PRPF8: variants seen among roughly 807,000 people sequenced by gnomAD.
PRPF8 encodes the protein pre-mRNA-processing-splicing factor 8.
A neutral mutation model predicts 285.9 loss-of-function variants in PRPF8; 64 were observed. The ratio of observed to expected loss-of-function variants is 0.22; its 90% CI spans 0.18 to 0.28. The LOEUF (loss-of-function observed/expected upper bound fraction) is 0.28, where lower values mean the gene tolerates loss of function less well. Among genes scored for constraint, PRPF8 ranks in the 10% least tolerant of loss-of-function variants. The probability of loss-of-function intolerance (pLI) is 1.00; values close to 1 mark genes in which losing one functional copy is unlikely to be tolerated. For synonymous variants in PRPF8, 1,325 were observed against 1,118.2 expected (o/e 1.18, Z -3.69); for missense variants, 1,426 against 3,026.7 (o/e 0.47, Z 12.41).
intron 24 of PRPF8, among the ~76,000 whole-genome samples, chr17:1,665,348 G>A (rs1217224352): frequency 1.3e-5 from 2 of 151,314 alleles, no homozygotes; most frequent in Non-Finnish European, 2.9e-5. Context: ...GACCATCCCA[G>A]CTAACACGGT....
Position 1,659,707 on chromosome 17 carries a change from G to C in PRPF8, c.4946+134C>G. 7.3e-7 allele frequency: 1 copy of C among 1,371,058 alleles called. No homozygotes were observed. Among genetic ancestry groups the C allele is most frequent in the Non-Finnish European group, 1.0e-6 (1 of 987,228 alleles). The allele number at this position is 1,371,058 out of a possible 1,614,324, so 84.9% of individuals were successfully genotyped here. On this transcript the variant is annotated intron_variant, in intron 31 of 42. Coordinates refer to ENST00000304992, the MANE Select transcript of PRPF8 (RefSeq NM_006445.4). The surrounding 1 kb of genome is among the most constrained non-coding windows in gnomAD (Gnocchi z 5.1). ...ATCAGCAGATCTGACTAAGGGTGTT[G>C]ACAGGCTCCAAGCGTAGCACTGGCT...
chr17:1,660,309 C>T, intron 30 of PRPF8, 123 bp downstream of exon 30: 1 of 1,532,698 alleles, frequency 6.5e-7, no homozygotes, highest in Non-Finnish European at 8.9e-7. Flanking sequence ...TCCACCTGAG[C>T]TGACTCTGTA....
chr17:1,656,764 TAAAAGC>T lies in PRPF8; in HGVS notation c.5506-9_5506-4del. 6.2e-7 allele frequency: 1 copy of T among 1,613,434 alleles called. No individual in the cohort carries two copies. The highest frequency in any genetic ancestry group is 8.5e-7 in the Non-Finnish European group (1 of 1,179,602). On this transcript the variant is annotated splice_polypyrimidine_tract_variant and splice_region_variant and intron_variant, in intron 34 of 42. Coordinates refer to ENST00000304992, the MANE Select transcript of PRPF8 (RefSeq NM_006445.4). ...TCAGCTGTCTTCCACTTAGCCAACT[TAAAAGC>T]AAGAGAGAAGAAAATGGAAATTTAG...
At chr17:1,674,825 G>T (rs991506303) in intron 20 of PRPF8, 145 bp from the exon 21 acceptor site, 33 of 879,644 alleles carry the variant, frequency 3.8e-5, no homozygotes, top group Admixed American at 1.4e-4. Context: ...GGCTGAGAGT[G>T]CACTGGCGCA....
In PRPF8 at chr17:1,675,174, T is replaced by C; in HGVS notation, c.3038A>G (p.Asn1013Ser). 6.2e-7 allele frequency: 1 copy of C among 1,614,008 alleles called. No individual in the cohort carries two copies. The highest frequency in any genetic ancestry group is 8.5e-7 in the Non-Finnish European group (1 of 1,180,050). ...HNIADYMTAKNNVVINYKDMN... is the reference protein window; with the variant it reads ...HNIADYMTAKSNVVINYKDMN... The stretch of plus-strand genomic sequence containing the variant: ...CACCTTATAGTTGATGACGACGTTG[T>C]TCTTGGCTGTCATGTAGTCGGCTAT... The change falls in exon 20 of 43, where the codon AAC becomes AGC. Residue 1013 changes from asparagine to serine, a missense_variant. By Grantham distance (46) the Asn-to-Ser change is conservative (BLOSUM62 1). Around this residue, in one of 34 missense-constraint regions of PRPF8, gnomAD observed 32 missense variants for 89.2 expected, o/e 0.36. Coordinates refer to ENST00000304992, the MANE Select transcript of PRPF8 (RefSeq NM_006445.4). This position sits in a 1 kb window ranked among gnomAD's most constrained non-coding sequence, Gnocchi z 6.0.
At chr17:1,684,681 C>A (rs1726823413) in intron 1 of PRPF8, 99 bp from the exon 2 acceptor site, 1 of 1,098,798 alleles carries the variant, frequency 9.1e-7, no homozygotes, top group African/African-American at 1.6e-5. Flanking sequence ...GCAGTCCCGC[C>A]ACACAGTGCA....
rs1413318469 is a variant in PRPF8 at position 1,655,432 on chromosome 17, G to A, written c.5905C>T (p.Pro1969Ser). Residue 1969 changes from proline to serine, a missense_variant, in exon 37 of 43, where the codon CCC becomes TCC. Pro to Ser is a moderately conservative substitution (Grantham distance 74). Coordinates refer to ENST00000304992, the MANE Select transcript of PRPF8 (RefSeq NM_006445.4). Reference protein sequence around the residue: ...TTITEPHHIWPTLTDEEWIKV... With the variant: ...TTITEPHHIWSTLTDEEWIKV... Reference sequence around the variant, plus strand: ...ATCCATTCTTCGTCAGTCAGAGTGGGCCAGATGTGGTGTGGTTCTGTAATA... The same window carrying A: ...ATCCATTCTTCGTCAGTCAGAGTGGACCAGATGTGGTGTGGTTCTGTAATA... 3 of 1,614,064 alleles carry A rather than the reference G, an allele frequency of 1.9e-6. No homozygotes were observed. The highest frequency in any genetic ancestry group is 2.5e-6 in the Non-Finnish European group (3 of 1,180,022).
chr17:1,658,177 G>A lies in PRPF8; in HGVS notation c.5505+76C>T, dbSNP rs112713259. 5.7e-4 allele frequency: 919 copies of A among 1,603,954 alleles called. 5 individuals are homozygous for A. The African/African-American group carries it at 0.01, about 18-fold the overall frequency. On this transcript the variant is annotated intron_variant, in intron 34 of 42. Coordinates refer to ENST00000304992, the MANE Select transcript of PRPF8 (RefSeq NM_006445.4). The surrounding 1 kb of genome is among the most constrained non-coding windows in gnomAD (Gnocchi z 4.1). ...TCTCAGCCTTTCATCTAATAAACCA[G>A]TAAATATTACCAAGTCCACCCCAAG...
Position 1,673,927 on chromosome 17 carries a change from T to G in PRPF8, c.3300-35A>C, listed in dbSNP as rs911608217. The G allele has an allele frequency of 1.2e-6, 2 of 1,607,432 alleles. No homozygotes were observed. The highest frequency in any genetic ancestry group is 1.1e-5 in the South Asian group (1 of 91,046). On this transcript the variant is annotated intron_variant, in intron 21 of 42. Coordinates refer to ENST00000304992, the MANE Select transcript of PRPF8 (RefSeq NM_006445.4). The surrounding 1 kb of genome is among the most constrained non-coding windows in gnomAD (Gnocchi z 5.5). Reference sequence around the variant, plus strand: ...ACCAGGTACACTGCTGAGGCCCCAGTACACTGAGATTTGGGACACCCACAA... The same window carrying G: ...ACCAGGTACACTGCTGAGGCCCCAGGACACTGAGATTTGGGACACCCACAA...
chr17:1,679,556 C>CT lies in PRPF8; in HGVS notation c.1289+52dup, dbSNP rs1912792936. The CT allele has an allele frequency of 1.2e-6, 2 of 1,606,404 alleles. No individual in the cohort carries two copies. Among genetic ancestry groups the CT allele is most frequent in the South Asian group, 2.2e-5 (2 of 89,930 alleles). ...GGCTACATGCCCACCTAGTTGGAGTCTTTTCTCCTACACATCCACTATCAT... is the reference window on the plus strand; with the variant it reads ...GGCTACATGCCCACCTAGTTGGAGTCTTTTTCTCCTACACATCCACTATCAT... On this transcript the variant is annotated intron_variant, in intron 9 of 42. Coordinates refer to ENST00000304992, the MANE Select transcript of PRPF8 (RefSeq NM_006445.4). This position sits in a 1 kb window ranked among gnomAD's most constrained non-coding sequence, Gnocchi z 4.7.
intron 37 of PRPF8, chr17:1,654,335 G>C (rs1480920244): frequency 1.9e-6 from 1 of 514,414 alleles, no homozygotes; most frequent in African/African-American, 1.9e-5. Context: ...TAGAATACTG[G>C]TTCTTAATCA....
intron 1 of PRPF8, 73 bp from the exon 2 acceptor site, chr17:1,684,655 C>T (rs958918372): frequency 2.0e-5 from 27 of 1,383,312 alleles, no homozygotes; most frequent in African/African-American, 2.9e-5. Context: ...AGAAAGGCGT[C>T]CGGGGACCCC....
Position 1,661,176 on chromosome 17 carries a change from C to A in PRPF8, c.4339-14G>T. The A allele has an allele frequency of 6.2e-7, 1 of 1,614,154 alleles. No individual in the cohort carries two copies. The highest frequency in any genetic ancestry group is 1.1e-5 in the South Asian group (1 of 91,088). On this transcript the variant is annotated splice_polypyrimidine_tract_variant and intron_variant, in intron 27 of 42. Coordinates refer to ENST00000304992, the MANE Select transcript of PRPF8 (RefSeq NM_006445.4). This position sits in a 1 kb window ranked among gnomAD's most constrained non-coding sequence, Gnocchi z 7.3. ...CTGCTTCAAAACCTAGATGGCAAGG[C>A]AGGCACGGTCAAGCTTCTGGGTGCC...
intron 20 of PRPF8, 66 bp from the exon 21 acceptor site, chr17:1,674,746 T>A: frequency 1.3e-6 from 2 of 1,486,768 alleles, no homozygotes; most frequent in Non-Finnish European, 1.9e-6. Context: ...AGAGTTAACC[T>A]CTTTTGTTCT....
chr17:1,679,768 T>C lies in PRPF8; in HGVS notation c.1130A>G (p.Glu377Gly). The change falls in exon 9 of 43, where the codon GAA becomes GGA. Residue 377 changes from glutamate (E) to glycine (G), a missense_variant. Transcript: ENST00000304992. The surrounding 1 kb of genome is among the most constrained non-coding windows in gnomAD (Gnocchi z 4.7). The part of the protein sequence containing the change: ...SQEPLPDDDE[E>G]FELPEFVEPF... ...CTCCACAAACTCCGGGAGCTCAAAT[T>C]CCTCATCATCATCCGGCAATGGTTC... The C allele has an allele frequency of 6.2e-7, 1 of 1,614,098 alleles. No individual in the cohort carries two copies. The highest frequency in any genetic ancestry group is 8.5e-7 in the Non-Finnish European group (1 of 1,180,024).
chr17:1,680,674 T>A lies in PRPF8; in HGVS notation c.1098+52A>T. 2.0e-6 allele frequency: 3 copies of A among 1,516,990 alleles called. No homozygotes were observed. In the South Asian group the frequency reaches 3.4e-5, roughly 17 times the overall value. 94.0% of individuals were successfully genotyped at this position (1,516,990 alleles called of 1,614,324 possible). A position where few individuals can be genotyped will look rare whatever the true frequency, so the allele number is the denominator to read the frequency against. On this transcript the variant is annotated intron_variant, in intron 8 of 42. Transcript: ENST00000304992. ...GAGCGTTTAGTAACATCAGCCAACC[T>A]CACGCATTTCTCCTAGAAGAGCTGA... is the stretch of plus-strand genomic sequence containing the variant.
intron 36 of PRPF8, among the ~76,000 whole-genome samples, chr17:1,655,785 C>A (rs1911346652): frequency 6.6e-6 from 1 of 152,004 alleles, no homozygotes; most frequent in Non-Finnish European, 1.5e-5. Context: ...TGCCACCACG[C>A]CCGGCTAATT....
Position 1,675,245 on chromosome 17 carries a change from G to A in PRPF8, c.2967C>T (p.Asp989=). 1 of 1,614,166 alleles carries A rather than the reference G, an allele frequency of 6.2e-7. No homozygotes were observed. Among genetic ancestry groups the A allele is most frequent in the East Asian group, 2.2e-5 (1 of 44,880 alleles). Residue 989 remains aspartate, a synonymous_variant, in exon 20 of 43, where the codon GAC becomes GAT. Transcript: ENST00000304992. This position sits in a 1 kb window ranked among gnomAD's most constrained non-coding sequence, Gnocchi z 6.0. ...GCAGCAGCCTGTTGAGCAGAGTCAA[G>A]TCGATCTTCTCATACATCTTCTCAA... ...SRFEKMYEKI[D]LTLLNRLLRL... is the part of the protein sequence containing the mutation.
chr17:1,675,112 A>G lies in PRPF8; in HGVS notation c.3060+40T>C. The G allele has an allele frequency of 6.2e-7, 1 of 1,610,524 alleles. No individual in the cohort carries two copies. The highest frequency in any genetic ancestry group is 8.5e-7 in the Non-Finnish European group (1 of 1,178,860). ...TTCTGAGTCAGTGGGCCAGACAAGC[A>G]CTCCACACACAATTCCATGCTACTG... is the stretch of plus-strand genomic sequence containing the variant. On this transcript the variant is annotated intron_variant, in intron 20 of 42. Transcript: ENST00000304992. The surrounding 1 kb of genome is among the most constrained non-coding windows in gnomAD (Gnocchi z 6.0).
Sources: gnomAD v4.1 joint callset for allele counts (sites outside exome capture counted in the v4.1 genomes callset) on GRCh38, gnomAD v4.1.1 for gene constraint, gnomAD v4.1.1 regional missense constraint, Gnocchi (gnomAD v3.1) non-coding constraint, MANE v1.5 for transcripts, NCBI Gene and HGNC (gene_info 2026-07-23, HGNC 2026-07-21) for gene names.